ALK: variants seen among roughly 807,000 people sequenced by gnomAD.
ALK encodes the protein ALK tyrosine kinase receptor.
Under a neutral mutation model 163.1 loss-of-function variants are expected in ALK, and 74 were observed. The ratio of observed to expected loss-of-function variants is 0.45; its 90% confidence interval spans 0.38 to 0.55. The LOEUF (loss-of-function observed/expected upper bound fraction) is 0.55. Among genes scored for constraint, ALK ranks in the 20% least tolerant of loss-of-function variants. ALK has a pLI of 0.00. For synonymous variants in ALK, 960 were observed against 843.2 expected (o/e 1.14, Z -2.40); for missense variants, 2,063 against 2,105.3 (o/e 0.98, Z 0.39).
At chr2:29,586,332 TTTG>T (rs1277617736) in intron 3 of ALK, among the ~76,000 whole-genome samples, 2 of 152,182 alleles carry the variant, frequency 1.3e-5, no homozygotes, top group Non-Finnish European at 2.9e-5. Context: ...GTGTTTCCAT[TTTG>T]TTAAGTTTTT....
chr2:29,829,037 C>T (rs1025545552), intron 1 of ALK, among the ~76,000 whole-genome samples: 6 of 151,234 alleles, frequency 4.0e-5, no homozygotes, highest in African/African-American at 1.5e-4. Context: ...AAGCTGGAAA[C>T]CATCATTCTC....
chr2:29,693,291 G>A (rs558719825), intron 3 of ALK, among the ~76,000 whole-genome samples: 1 of 152,010 alleles, frequency 6.6e-6, no homozygotes, highest in Non-Finnish European at 1.5e-5. Flanking sequence ...ACACAGACAC[G>A]TAGTCTCCAT....
chr2:29,411,671 T>A (rs1669728094), intron 4 of ALK, among the ~76,000 whole-genome samples: 1 of 152,176 alleles, frequency 6.6e-6, no homozygotes, highest in African/African-American at 2.4e-5. Flanking sequence ...GGAGTTCTTC[T>A]TTTCCTTCTC....
intron 3 of ALK, among the ~76,000 whole-genome samples, chr2:29,690,645 T>G (rs1444207232): frequency 6.6e-6 from 1 of 152,202 alleles, no homozygotes; most frequent in Non-Finnish European, 1.5e-5. Flanking sequence ...TTTATAATAT[T>G]ATGTTCCATC....
At chr2:29,392,979 A>AGTTCAAGGTCATTGAAT (rs1669213628) in intron 4 of ALK, among the ~76,000 whole-genome samples, 1 of 151,506 alleles carries the variant, frequency 6.6e-6, no homozygotes, top group South Asian at 2.1e-4. Context: ...GATCACTCAA[A>AGTTCAAGGTCATTGAAT]GTTCAAGGTC....
chr2:29,738,605 C>A (rs1450615486), intron 1 of ALK, among the ~76,000 whole-genome samples: 1 of 151,884 alleles, frequency 6.6e-6, no homozygotes, highest in Non-Finnish European at 1.5e-5. Flanking sequence ...AATATGTGGA[C>A]CTTAGGGTTT....
chr2:29,288,424 G>A (rs1444006335), intron 9 of ALK, among the ~76,000 whole-genome samples: 4 of 152,178 alleles, frequency 2.6e-5, no homozygotes, highest in Non-Finnish European at 5.9e-5. Flanking sequence ...CTACAAGTCA[G>A]AGTCCTTTCT....
chr2:29,828,075 CCT>C (rs1665251137), intron 1 of ALK, among the ~76,000 whole-genome samples: 1 of 152,134 alleles, frequency 6.6e-6, no homozygotes, highest in African/African-American at 2.4e-5. Context: ...GAAATGATTC[CCT>C]GTTTAATAAA....
chr2:29,368,183 C>T (rs567328458), intron 5 of ALK, among the ~76,000 whole-genome samples: 1 of 152,290 alleles, frequency 6.6e-6, no homozygotes, highest in African/African-American at 2.4e-5. Context: ...GGAAGCCTTG[C>T]TTGAGCTTGC....
At chr2:29,648,795 T>C (rs539277291) in intron 3 of ALK, among the ~76,000 whole-genome samples, 1 of 152,314 alleles carries the variant, frequency 6.6e-6, no homozygotes, top group African/African-American at 2.4e-5. Flanking sequence ...CTTTGTTTTA[T>C]TCTCTTATTT....
chr2:29,881,641 G>A (rs977471961), intron 1 of ALK, among the ~76,000 whole-genome samples: 2 of 152,102 alleles, frequency 1.3e-5, no homozygotes, highest in African/African-American at 2.4e-5. Context: ...AGAACTGGGA[G>A]AGGAAAGGAA....
intron 2 of ALK, among the ~76,000 whole-genome samples, chr2:29,705,343 G>T (rs1304600328): frequency 1.4e-5 from 2 of 140,232 alleles, no homozygotes; most frequent in Admixed American, 1.5e-4. Context: ...TCAAAACCCT[G>T]AGATACCATA....
chr2:29,340,568 C>T (rs1573254235), intron 5 of ALK, among the ~76,000 whole-genome samples: 2 of 152,286 alleles, frequency 1.3e-5, no homozygotes, highest in African/African-American at 2.4e-5. Flanking sequence ...GGTGCTGATG[C>T]CACTGTCAAT....
At chr2:29,654,996 C>A (rs1219813753) in intron 3 of ALK, among the ~76,000 whole-genome samples, 1 of 152,084 alleles carries the variant, frequency 6.6e-6, no homozygotes, top group Admixed American at 6.6e-5. Flanking sequence ...AAAACAAGTT[C>A]TTTTGTTCTA....
intron 11 of ALK, among the ~76,000 whole-genome samples, chr2:29,271,961 G>A (rs909186031): frequency 3.3e-5 from 5 of 152,216 alleles, no homozygotes; most frequent in African/African-American, 1.2e-4. Context: ...TGCACAGACA[G>A]CCTCTGAGCT....
chr2:29,684,521 T>C (rs1678180944), intron 3 of ALK, among the ~76,000 whole-genome samples: 1 of 152,222 alleles, frequency 6.6e-6, no homozygotes, highest in Admixed American at 6.5e-5. Context: ...TGGTAAGTTT[T>C]AGGCTGTGGC....
intron 4 of ALK, among the ~76,000 whole-genome samples, chr2:29,399,214 T>G (rs1364937646): frequency 1.3e-5 from 2 of 152,350 alleles, no homozygotes; most frequent in East Asian, 1.9e-4. Flanking sequence ...TTGTTCCCAT[T>G]GCACAGATTA....
At chr2:29,705,182 C>T (rs1678860324) in intron 2 of ALK, among the ~76,000 whole-genome samples, 1 of 145,496 alleles carries the variant, frequency 6.9e-6, no homozygotes, top group Non-Finnish European at 1.5e-5. Flanking sequence ...TGTGCCACTA[C>T]ACTCCAGCCT....
At chr2:29,285,641 C>T (rs1363662171) in intron 9 of ALK, among the ~76,000 whole-genome samples, 1 of 151,722 alleles carries the variant, frequency 6.6e-6, no homozygotes, top group Non-Finnish European at 1.5e-5. Flanking sequence ...CAGCTCCCTG[C>T]AATCTCCGCC....
Sources: gnomAD v4.1 joint callset for allele counts (sites outside exome capture counted in the v4.1 genomes callset) on GRCh38, gnomAD v4.1.1 for gene constraint, MANE v1.5 for transcripts, NCBI Gene and HGNC (gene_info 2026-07-23, HGNC 2026-07-21) for gene names.